RXRA: variants seen among roughly 807,000 people sequenced by gnomAD.
RXRA encodes retinoid X receptor alpha.
A neutral mutation model predicts 44.5 loss-of-function variants in RXRA; 5 were observed. The ratio of observed to expected loss-of-function variants is 0.11; its 90% CI spans 0.06 to 0.24. The LOEUF (loss-of-function observed/expected upper bound fraction) is 0.24. RXRA is among the 10% of genes least tolerant of loss of function. RXRA has a pLI of 1.00. For synonymous variants in RXRA, 291 were observed against 271.4 expected, an observed-to-expected ratio of 1.07 and a Z score of -0.71; for missense variants, 412 against 646.5, an observed-to-expected ratio of 0.64 and a Z score of 3.93.
intron 1 of RXRA, among the ~76,000 whole-genome samples, chr9:134,341,348 C>G (rs1166083279): frequency 6.6e-6 from 1 of 152,158 alleles, no homozygotes; most frequent in African/African-American, 2.4e-5. Flanking sequence ...GCCTGGGGTT[C>G]TGGCGTGTGG....
At chr9:134,418,166 T>C (rs985460984) in intron 5 of RXRA, among the ~76,000 whole-genome samples, 4 of 152,168 alleles carry the variant, frequency 2.6e-5, no homozygotes, top group African/African-American at 7.2e-5. Context: ...CATTGCTCCC[T>C]GGTGAGCTTG....
intron 1 of RXRA, among the ~76,000 whole-genome samples, chr9:134,344,071 G>A (rs962672998): frequency 6.6e-5 from 10 of 152,322 alleles, no homozygotes; most frequent in South Asian, 2.1e-4. Context: ...TCTGCCTGGC[G>A]TGTGTGCCTG....
At position 134,408,275 on chromosome 9, in the gene RXRA, G is replaced by A; in HGVS notation, c.406G>A (p.Ala136Thr). Reference protein sequence around the residue: ...NMASFTKHICAICGDRSSGKH... With the variant: ...NMASFTKHICTICGDRSSGKH... Reference sequence around the variant, plus strand: ...GGCTTCCTTCACCAAGCACATCTGCGCCATCTGCGGGGACCGCTCCTCAGG... The same window carrying A: ...GGCTTCCTTCACCAAGCACATCTGCACCATCTGCGGGGACCGCTCCTCAGG... Residue 136 changes from alanine to threonine, a missense_variant, in exon 3 of 10, where the codon GCC (alanine) becomes ACC (threonine). This residue lies in a region of RXRA where 48 missense variants were observed against 119.9 expected (regional missense o/e 0.40). Transcript: ENST00000481739. 5 of 1,609,946 alleles carry A rather than the reference G, an allele frequency of 3.1e-6. No individual in the cohort carries two copies. Among genetic ancestry groups the A allele is most frequent in the Middle Eastern group, 1.7e-4 (1 of 6,046 alleles).
rs1830197745 is a variant in RXRA, at chr9:134,349,691, T to C, written c.28+23032T>C. Among the ~76,000 whole-genome samples, 1 of 152,180 alleles carries C rather than the reference T, an allele frequency of 6.6e-6. No individual in the cohort carries two copies. The highest frequency in any genetic ancestry group is 2.4e-5 in the African/African-American group (1 of 41,444). ...GACTTGTCTCATGAGGTTTGGGGAC[T>C]TTAGTTCAAGCTGAATGCCTGTCTC... On this transcript the variant is annotated intron_variant, in intron 1 of 9. Coordinates refer to ENST00000481739, the MANE Select transcript of RXRA (RefSeq NM_002957.6). The surrounding 1 kb of genome is among the most constrained non-coding windows in gnomAD (Gnocchi z 4.3).
rs12348329 is a variant in RXRA, at chr9:134,434,655, C to T, written c.1241+448C>T. 9.9e-3 allele frequency among the ~76,000 whole-genome samples: 1,503 copies of T among 152,242 alleles called. 31 individuals are homozygous for T. The highest frequency in any genetic ancestry group is 0.033 in the African/African-American group (1,391 of 41,576). ...ATAGGCGGTCACGGCCTGAGCGTAGCGCTCATGTTTCCCCCCTGCCCGGCT... is the reference window on the plus strand; with the variant it reads ...ATAGGCGGTCACGGCCTGAGCGTAGTGCTCATGTTTCCCCCCTGCCCGGCT... On this transcript the variant is annotated intron_variant, in intron 9 of 9. Transcript: ENST00000481739.
intron 1 of RXRA, among the ~76,000 whole-genome samples, chr9:134,357,862 C>G (rs1460642496): frequency 6.6e-6 from 1 of 152,250 alleles, no homozygotes; most frequent in African/African-American, 2.4e-5. Context: ...TTCACACTGT[C>G]TGATCCTAGG....
At chr9:134,378,090 G>A (rs1830585524) in intron 1 of RXRA, among the ~76,000 whole-genome samples, 1 of 152,278 alleles carries the variant, frequency 6.6e-6, no homozygotes, top group South Asian at 2.1e-4. Context: ...CGATGACTGT[G>A]GCTGGCGACG....
rs984474645 is a variant in RXRA, at chr9:134,392,097, C to A, written c.29-9535C>A. Reference sequence around the variant, plus strand: ...GCTTGGTGCAGTGTGCAGGGCAAGCCCCGGTGTCAGAGCCTCCATTTTGCA... The same window carrying A: ...GCTTGGTGCAGTGTGCAGGGCAAGCACCGGTGTCAGAGCCTCCATTTTGCA... On this transcript the variant is annotated intron_variant, in intron 1 of 9. Transcript: ENST00000481739. 3.9e-5 allele frequency among the ~76,000 whole-genome samples: 6 copies of A among 152,314 alleles called. No homozygotes were observed. The South Asian group carries it at 1.2e-3, about 32-fold the overall frequency.
In RXRA at chr9:134,438,047, G is replaced by C. The variant is rs1340153201; in HGVS notation, c.*1433G>C. On this transcript the variant is annotated 3_prime_UTR_variant, in exon 10 of 10. Transcript: ENST00000481739. ...CTCTCAGGTTGAACTCGCCTCTTTT[G>C]CACTGGAAGGCCCTCCCTTTGGCCT... The C allele has an allele frequency of 6.5e-6, 1 of 152,674 alleles. No individual in the cohort carries two copies. 9.5% of individuals were successfully genotyped at this position (152,674 alleles called of 1,614,324 possible). A position where few individuals can be genotyped will look rare whatever the true frequency, so the allele number is the denominator to read the frequency against.
In RXRA at chr9:134,426,767, A is replaced by T; in HGVS notation, c.911-2341A>T. The T allele has an allele frequency of 1.0e-6, 1 of 985,386 alleles. No homozygotes were observed. Among genetic ancestry groups the T allele is most frequent in the Non-Finnish European group, 1.2e-6 (1 of 829,916 alleles). The allele number at this position is 985,386 out of a possible 1,614,324, so 61.0% of individuals were successfully genotyped here. ...CCTGCAGGATGTGAGGGAGAGAGGC[A>T]GGCCCGAGAGGCCAGGACTGGCCAG... On this transcript the variant is annotated intron_variant, in intron 6 of 9. Transcript: ENST00000481739. The surrounding 1 kb of genome is among the most constrained non-coding windows in gnomAD (Gnocchi z 4.6).
intron 4 of RXRA, among the ~76,000 whole-genome samples, chr9:134,413,705 C>T (rs972531757): frequency 6.6e-6 from 1 of 152,196 alleles, no homozygotes; most frequent in African/African-American, 2.4e-5. Context: ...GCTGTCTGCC[C>T]TTCCCCAGAC....
chr9:134,340,422 G>A (rs1588251393), intron 1 of RXRA, among the ~76,000 whole-genome samples: 1 of 152,182 alleles, frequency 6.6e-6, no homozygotes, highest in Non-Finnish European at 1.5e-5. Context: ...AGTGTCACAG[G>A]GGTGATAATT....
At chr9:134,429,360 G>C in intron 7 of RXRA, 120 bp downstream of exon 7, 1 of 1,038,576 alleles carries the variant, frequency 9.6e-7, no homozygotes, top group South Asian at 1.6e-5. Flanking sequence ...TGCATGAAGG[G>C]TGCACACATG....
intron 4 of RXRA, among the ~76,000 whole-genome samples, chr9:134,413,866 C>G (rs1045845359): frequency 6.6e-6 from 1 of 152,158 alleles, no homozygotes; most frequent in Non-Finnish European, 1.5e-5. Flanking sequence ...GGGCAGGAGT[C>G]TCAGGTCTTC....
chr9:134,330,804 G>A (rs1219017231), intron 1 of RXRA, among the ~76,000 whole-genome samples: 1 of 152,208 alleles, frequency 6.6e-6, no homozygotes, highest in Non-Finnish European at 1.5e-5. Context: ...TGGCCTCTTG[G>A]GGCTTTGGCT....
intron 6 of RXRA, among the ~76,000 whole-genome samples, chr9:134,428,140 G>A (rs1324769215): frequency 1.3e-5 from 2 of 152,108 alleles, no homozygotes; most frequent in Non-Finnish European, 2.9e-5. Flanking sequence ...CTCATGTTGA[G>A]GGGCTGCTGT....
intron 1 of RXRA, among the ~76,000 whole-genome samples, chr9:134,359,828 A>C (rs1446272405): frequency 6.6e-6 from 1 of 152,106 alleles, no homozygotes; most frequent in African/African-American, 2.4e-5. Flanking sequence ...CCCTGGTCCC[A>C]GCCCGTTTCC....
In RXRA at chr9:134,374,944, GC is replaced by G. The variant is rs368300709; in HGVS notation, c.29-26685del. ...TGCTATGTGCCAGGCACTGGCCAGG[GC>G]CCAGGGTGTCACAATGGAGTGGCCA... On this transcript the variant is annotated intron_variant, in intron 1 of 9. Coordinates refer to ENST00000481739, the MANE Select transcript of RXRA (RefSeq NM_002957.6). Among the ~76,000 whole-genome samples, 36 of 152,326 alleles carry G rather than the reference GC, an allele frequency of 2.4e-4. No individual in the cohort carries two copies. In the East Asian group the frequency reaches 4.6e-3, roughly 20 times the overall value.
Position 134,436,925 on chromosome 9 carries a change from C to T in RXRA, c.*311C>T, listed in dbSNP as rs1355498936. ...GCCACACCCCACGGGGCTTGGGCGA[C>T]TACAGGGTCTTCGGGCCCCAGCCCT... On this transcript the variant is annotated 3_prime_UTR_variant, in exon 10 of 10. Transcript: ENST00000481739. The T allele has an allele frequency of 2.9e-6, 1 of 343,568 alleles. No homozygotes were observed. Among genetic ancestry groups the T allele is most frequent in the Non-Finnish European group, 5.4e-6 (1 of 186,724 alleles). 21.3% of individuals were successfully genotyped at this position (343,568 alleles called of 1,614,324 possible). A position where few individuals can be genotyped will look rare whatever the true frequency, so the allele number is the denominator to read the frequency against.
Sources: allele counts gnomAD v4.1 joint callset (sites outside exome capture counted in the v4.1 genomes callset), GRCh38; gene constraint gnomAD v4.1.1; regional missense constraint gnomAD v4.1.1; non-coding constraint Gnocchi (gnomAD v3.1); transcripts MANE v1.5; gene names NCBI Gene and HGNC (gene_info 2026-07-23, HGNC 2026-07-21).